The following ELMO1 variants were observed in gnomAD, a reference collection of about 807,000 sequenced individuals.
ELMO1 encodes the protein engulfment and cell motility protein 1.
In ELMO1, 26 loss-of-function variants were observed where a neutral mutation model predicts 98.9. The ratio of observed to expected loss-of-function variants is 0.26; its 90% CI spans 0.19 to 0.36. The LOEUF is 0.36. ELMO1 is among the 10% of genes least tolerant of loss of function. The pLI is 1.00. For synonymous variants in ELMO1, 346 were observed against 346.0 expected (o/e 1.00, Z 0.00); for missense variants, 627 against 935.2 (o/e 0.67, Z 4.30).
chr7:37,090,073 C>T (rs1344246161), intron 15 of ELMO1, among the ~76,000 whole-genome samples: 4 of 152,270 alleles, frequency 2.6e-5, no homozygotes, highest in Non-Finnish European at 5.9e-5. Flanking sequence ...GCCTCTTGTT[C>T]CTCTGACTAT....
At chr7:37,102,795 T>C (rs1208522800) in intron 14 of ELMO1, among the ~76,000 whole-genome samples, 1 of 152,222 alleles carries the variant, frequency 6.6e-6, no homozygotes, top group Non-Finnish European at 1.5e-5. Context: ...CATGGAAGCT[T>C]AGATGGCCTA....
chr7:37,281,245 G>C (rs1797123403), intron 4 of ELMO1, among the ~76,000 whole-genome samples: 1 of 151,160 alleles, frequency 6.6e-6, no homozygotes, highest in Non-Finnish European at 1.5e-5. Flanking sequence ...AGCGGGAGGG[G>C]GGTGAGGGAT....
intron 15 of ELMO1, among the ~76,000 whole-genome samples, chr7:37,025,796 C>CTCATATATATATACTTACATACATATATA (rs1562905624): frequency 3.3e-5 from 5 of 151,360 alleles, no homozygotes; most frequent in East Asian, 1.9e-4. Context: ...AATGATAAAT[C>CTCATATATATATACTTACATACATATATA]TCATATATAT....
At chr7:37,124,317 T>C (rs1016285344) in intron 14 of ELMO1, among the ~76,000 whole-genome samples, 1 of 152,180 alleles carries the variant, frequency 6.6e-6, no homozygotes, top group Non-Finnish European at 1.5e-5. Flanking sequence ...ATAAAGGGTA[T>C]TCAATTAGGA....
chr7:37,263,475 G>A (rs555802448), intron 5 of ELMO1, among the ~76,000 whole-genome samples: 4 of 152,268 alleles, frequency 2.6e-5, no homozygotes, highest in African/African-American at 7.2e-5. Flanking sequence ...TGGTGTGGCA[G>A]GTGGACAACT....
At chr7:37,177,535 C>T (rs1431844248) in intron 13 of ELMO1, among the ~76,000 whole-genome samples, 1 of 152,206 alleles carries the variant, frequency 6.6e-6, no homozygotes, top group African/African-American at 2.4e-5. Flanking sequence ...AAGTGACCTT[C>T]CTTCTAAAGA....
intron 15 of ELMO1, among the ~76,000 whole-genome samples, chr7:37,078,062 CCA>C (rs1797676653): frequency 6.6e-6 from 1 of 152,124 alleles, no homozygotes; most frequent in Non-Finnish European, 1.5e-5. Context: ...GGCCCAGCAG[CCA>C]CAGTGCTGCA....
chr7:36,919,884 C>T (rs572517001), intron 16 of ELMO1, among the ~76,000 whole-genome samples: 12 of 152,260 alleles, frequency 7.9e-5, no homozygotes, highest in South Asian at 4.2e-4. Flanking sequence ...ATTTAAGGAA[C>T]GAATCAATGC....
At chr7:36,867,788 A>G (rs2129038127) in intron 20 of ELMO1, among the ~76,000 whole-genome samples, 1 of 152,226 alleles carries the variant, frequency 6.6e-6, no homozygotes, top group East Asian at 1.9e-4. Context: ...GTGTGTTGTT[A>G]AATTTCCAAA....
intron 20 of ELMO1, among the ~76,000 whole-genome samples, chr7:36,868,348 C>CTTCTTCT (rs754978396): frequency 1.4e-5 from 2 of 140,630 alleles, no homozygotes; most frequent in African/African-American, 2.7e-5. Context: ...TCTTCTTCTT[C>CTTCTTCT]TTTTTTTTTT....
intron 9 of ELMO1, among the ~76,000 whole-genome samples, chr7:37,223,069 A>G (rs191586605): frequency 6.6e-6 from 1 of 152,336 alleles, no homozygotes; most frequent in East Asian, 1.9e-4. Context: ...TTTCTGTCTG[A>G]TACATGAAAT....
chr7:37,151,832 AG>A (rs1324420431), intron 13 of ELMO1, among the ~76,000 whole-genome samples: 1 of 152,170 alleles, frequency 6.6e-6, no homozygotes, highest in East Asian at 1.9e-4. Context: ...ACAAATACCG[AG>A]GAGAAATTTT....
rs184293732 is a variant in ELMO1, at chr7:37,356,563, T to C, written c.-73-13800A>G. On this transcript the variant is annotated intron_variant, in intron 1 of 21. Coordinates refer to ENST00000310758, the MANE Select transcript of ELMO1 (RefSeq NM_014800.11). ...CCATGTTCTCACTCATAAGTGGGAG[T>C]TGAACAATGAGAACACATGGACACA... is the stretch of plus-strand genomic sequence containing the variant. 3.5e-3 allele frequency among the ~76,000 whole-genome samples: 531 copies of C among 150,806 alleles called. 2 individuals are homozygous for C. The highest frequency in any genetic ancestry group is 5.7e-3 in the Admixed American group (87 of 15,176).
intron 1 of ELMO1, among the ~76,000 whole-genome samples, chr7:37,427,743 G>A (rs1804766276): frequency 6.6e-6 from 1 of 152,210 alleles, no homozygotes; most frequent in Admixed American, 6.5e-5. Flanking sequence ...ATAGTAAGAG[G>A]AGAAGGGAGC....
chr7:37,316,579 T>C (rs1799172839), intron 2 of ELMO1, among the ~76,000 whole-genome samples: 1 of 152,206 alleles, frequency 6.6e-6, no homozygotes, highest in Non-Finnish European at 1.5e-5. Flanking sequence ...GCTGTTCTGT[T>C]GTGCCTAACA....
At chr7:37,055,141 T>A (rs1344373524) in intron 15 of ELMO1, among the ~76,000 whole-genome samples, 2 of 152,216 alleles carry the variant, frequency 1.3e-5, no homozygotes, top group African/African-American at 4.8e-5. Context: ...GACATTAAAA[T>A]GAATGTGTGC....
chr7:36,974,417 C>G (rs1489769301), intron 16 of ELMO1, among the ~76,000 whole-genome samples: 1 of 152,154 alleles, frequency 6.6e-6, no homozygotes, highest in East Asian at 1.9e-4. Context: ...TTTGTAAGCA[C>G]ACCAATCAGC....
chr7:37,197,254 C>T (rs1300558601), intron 13 of ELMO1: 1 of 152,188 alleles, frequency 6.6e-6, no homozygotes, highest in African/African-American at 2.4e-5. Context: ...CAGAGATGCC[C>T]GCACAGGGCC....
chr7:37,032,509 G>A (rs1185053628), intron 15 of ELMO1, among the ~76,000 whole-genome samples: 1 of 152,158 alleles, frequency 6.6e-6, no homozygotes, highest in Non-Finnish European at 1.5e-5. Flanking sequence ...CCCTCTGCAG[G>A]GCTGGCACCC....
Sources: allele counts gnomAD v4.1 joint callset (sites outside exome capture counted in the v4.1 genomes callset), GRCh38; gene constraint gnomAD v4.1.1; transcripts MANE v1.5; gene names NCBI Gene and HGNC (gene_info 2026-07-23, HGNC 2026-07-21).